Variants in BRIP1 observed in about 807,000 individuals in gnomAD.
The protein encoded by BRIP1 is Fanconi anemia group J protein.
In BRIP1, 88 loss-of-function variants were observed where a neutral mutation model predicts 119.7. The ratio of observed to expected loss-of-function variants is 0.74; its 90% CI spans 0.62 to 0.88. The LOEUF (loss-of-function observed/expected upper bound fraction) is 0.88, where lower values mean the gene tolerates loss of function less well. BRIP1 is among the 40% of genes least tolerant of loss of function. The pLI is 0.00. For synonymous variants in BRIP1, 443 were observed against 496.5 expected (o/e 0.89, Z 1.43); for missense variants, 1,259 against 1,455.4 (o/e 0.87, Z 2.20).
chr17:61,696,969 G>C (rs2061531914), intron 17 of BRIP1, among the ~76,000 whole-genome samples: 1 of 115,260 alleles, frequency 8.7e-6, no homozygotes, highest in African/African-American at 3.2e-5. Context: ...CTGGGCAACA[G>C]ATAGAGACTC....
chr17:61,780,767 AGAGTCAAC>A lies in BRIP1; in HGVS notation c.1794+65_1794+72del. ...ACAACAACAAACAACTATCTTTAAA[AGAGTCAAC>A]CACATTTATTAAAATGCTGGTACTG... On this transcript the variant is annotated intron_variant, in intron 12 of 19. Coordinates refer to ENST00000259008, the MANE Select transcript of BRIP1 (RefSeq NM_032043.3). This position sits in a 1 kb window ranked among gnomAD's most constrained non-coding sequence, Gnocchi z 5.4. The A allele has an allele frequency of 6.7e-7, 1 of 1,493,766 alleles. No homozygotes were observed. Among genetic ancestry groups the A allele is most frequent in the Non-Finnish European group, 9.3e-7 (1 of 1,071,528 alleles). 92.5% of individuals were successfully genotyped at this position (1,493,766 alleles called of 1,614,324 possible).
chr17:61,716,468 TCTG>T (rs1410740573), intron 16 of BRIP1, among the ~76,000 whole-genome samples: 1 of 152,104 alleles, frequency 6.6e-6, no homozygotes, highest in South Asian at 2.1e-4. Flanking sequence ...CAACCACTGA[TCTG>T]CTTTCTGTTT....
rs1157050264 is a variant in BRIP1 at position 61,798,785 on chromosome 17, T to A, written c.1340+315A>T. On this transcript the variant is annotated intron_variant, in intron 9 of 19. Coordinates refer to ENST00000259008, the MANE Select transcript of BRIP1 (RefSeq NM_032043.3). This position sits in a 1 kb window ranked among gnomAD's most constrained non-coding sequence, Gnocchi z 5.5. ...AAAGCCATGATCCAGAATTTTAAAA[T>A]ATATTAATTAAAAGCACGTTTAGTT... Among the ~76,000 whole-genome samples the A allele has an allele frequency of 6.6e-6, 1 of 152,040 alleles. No individual in the cohort carries two copies. Among genetic ancestry groups the A allele is most frequent in the East Asian group, 1.9e-4 (1 of 5,202 alleles).
chr17:61,784,246 T>C lies in BRIP1; in HGVS notation c.1628+24A>G, dbSNP rs762727626. 40 of 1,601,662 alleles carry C rather than the reference T, an allele frequency of 2.5e-5. 1 individual carries two copies. The highest frequency in any genetic ancestry group is 1.9e-5 in the Non-Finnish European group (22 of 1,170,360). On this transcript the variant is annotated intron_variant, in intron 11 of 19. Transcript: ENST00000259008. ...AATTAGGCTATTTTTAAAAGGAAAA[T>C]ACATACTAGTTATCTTCACTTACCT...
At position 61,726,934 on chromosome 17, in the gene BRIP1, C is replaced by T. The variant is rs2144525372; in HGVS notation, c.2380-10871G>A. On this transcript the variant is annotated intron_variant, in intron 16 of 19. Transcript: ENST00000259008. The surrounding 1 kb of genome is among the most constrained non-coding windows in gnomAD (Gnocchi z 6.2). ...AATCTAGAGTTTTTCTTGTTAAAGT[C>T]ACATATGAGAGCCCGATAACTGTGA... is the stretch of plus-strand genomic sequence containing the variant. Among the ~76,000 whole-genome samples the T allele has an allele frequency of 1.3e-5, 2 of 152,166 alleles. No homozygotes were observed. Among genetic ancestry groups the T allele is most frequent in the Middle Eastern group, 6.8e-3 (2 of 294 alleles).
chr17:61,781,632 A>G (rs1449643308), intron 11 of BRIP1, among the ~76,000 whole-genome samples: 1 of 152,156 alleles, frequency 6.6e-6, no homozygotes, highest in Non-Finnish European at 1.5e-5. Context: ...CTTAAAAATA[A>G]TAAAATGTGG....
In BRIP1 at chr17:61,743,091, C is replaced by T. The variant is rs369434185; in HGVS notation, c.2301G>A (p.Glu767=). 5.0e-6 allele frequency: 8 copies of T among 1,613,822 alleles called. No individual in the cohort carries two copies. Among genetic ancestry groups the T allele is most frequent in the African/African-American group, 2.7e-5 (2 of 74,908 alleles). ...LVAVCRGKVS[E]GLDFSDDNAR... ...CATTGTCATCTGAGAAATCCAGACCCTCACTCACTTTACCACGACAAACTG... is the reference window on the plus strand; with the variant it reads ...CATTGTCATCTGAGAAATCCAGACCTTCACTCACTTTACCACGACAAACTG... The change falls in exon 16 of 20, where the codon GAG becomes GAA. Residue 767 remains glutamate (E), a synonymous_variant. Transcript: ENST00000259008. This position sits in a 1 kb window ranked among gnomAD's most constrained non-coding sequence, Gnocchi z 4.3.
At chr17:61,714,541 T>A (rs2061828955) in intron 17 of BRIP1, among the ~76,000 whole-genome samples, 1 of 152,194 alleles carries the variant, frequency 6.6e-6, no homozygotes, top group African/African-American at 2.4e-5. Flanking sequence ...TAGACTATAC[T>A]ATCTAGATTT....
chr17:61,840,876 T>C (rs1000181839), intron 6 of BRIP1, among the ~76,000 whole-genome samples: 6 of 152,012 alleles, frequency 3.9e-5, no homozygotes, highest in Non-Finnish European at 8.8e-5. Context: ...AATAGACACA[T>C]AGACCAATGG....
Position 61,709,085 on chromosome 17 carries a change from C to T in BRIP1, c.2492+6866G>A, listed in dbSNP as rs530724933. Among the ~76,000 whole-genome samples, 12 of 152,172 alleles carry T rather than the reference C, an allele frequency of 7.9e-5. No individual in the cohort carries two copies. The highest frequency in any genetic ancestry group is 1.8e-4 in the Non-Finnish European group (12 of 68,020). Reference sequence around the variant, plus strand: ...GCTAATTGTTTCTTATACTAATTTGCAACCAAGCCACCTGTTTTTAAACCT... The same window carrying T: ...GCTAATTGTTTCTTATACTAATTTGTAACCAAGCCACCTGTTTTTAAACCT... On this transcript the variant is annotated intron_variant, in intron 17 of 19. Coordinates refer to ENST00000259008, the MANE Select transcript of BRIP1 (RefSeq NM_032043.3). This position sits in a 1 kb window ranked among gnomAD's most constrained non-coding sequence, Gnocchi z 5.0.
Position 61,736,017 on chromosome 17 carries a change from G to A in BRIP1, c.2379+6996C>T, listed in dbSNP as rs1476724453. ...GTGTTAAGCCACTATGTGATAATTT[G>A]TTACACAGCAATAAAAAACTAATAC... On this transcript the variant is annotated intron_variant, in intron 16 of 19. Coordinates refer to ENST00000259008, the MANE Select transcript of BRIP1 (RefSeq NM_032043.3). The surrounding 1 kb of genome is among the most constrained non-coding windows in gnomAD (Gnocchi z 4.4). Among the ~76,000 whole-genome samples, 2 of 151,922 alleles carry A rather than the reference G, an allele frequency of 1.3e-5. No homozygotes were observed. Among genetic ancestry groups the A allele is most frequent in the East Asian group, 3.9e-4 (2 of 5,116 alleles).
intron 10 of BRIP1, among the ~76,000 whole-genome samples, chr17:61,785,475 G>T (rs2145153998): frequency 6.6e-6 from 1 of 152,086 alleles, no homozygotes; most frequent in South Asian, 2.1e-4. Flanking sequence ...AAAATAAAAT[G>T]GGGAAATAGG....
chr17:61,697,455 A>G (rs558973541), intron 17 of BRIP1, among the ~76,000 whole-genome samples: 1 of 150,630 alleles, frequency 6.6e-6, no homozygotes, highest in South Asian at 2.1e-4. Flanking sequence ...ATTTGTCATC[A>G]CACAATTTTT....
rs2077175158 is a variant in BRIP1, at chr17:61,754,599, G to T, written c.2098-10008C>A. On this transcript the variant is annotated intron_variant, in intron 14 of 19. Coordinates refer to ENST00000259008, the MANE Select transcript of BRIP1 (RefSeq NM_032043.3). The surrounding 1 kb of genome is among the most constrained non-coding windows in gnomAD (Gnocchi z 4.1). ...ATCAGACTGAATGGCTTAAACAAAA[G>T]AAATTTATTTCTTACAGTTATTAGT... Among the ~76,000 whole-genome samples the T allele has an allele frequency of 6.6e-6, 1 of 152,186 alleles. No homozygotes were observed. The highest frequency in any genetic ancestry group is 1.5e-5 in the Non-Finnish European group (1 of 68,000).
Position 61,735,625 on chromosome 17 carries a change from C to CAA in BRIP1, c.2379+7386_2379+7387dup, listed in dbSNP as rs753949795. 4.8e-4 allele frequency among the ~76,000 whole-genome samples: 58 copies of CAA among 121,968 alleles called. No individual in the cohort carries two copies. The highest frequency in any genetic ancestry group is 1.5e-3 in the African/African-American group (50 of 33,160). 80.0% of individuals were successfully genotyped at this position (121,968 alleles called of 152,430 possible). A position where few individuals can be genotyped will look rare whatever the true frequency, so the allele number is the denominator to read the frequency against. On this transcript the variant is annotated intron_variant, in intron 16 of 19. Coordinates refer to ENST00000259008, the MANE Select transcript of BRIP1 (RefSeq NM_032043.3). This position sits in a 1 kb window ranked among gnomAD's most constrained non-coding sequence, Gnocchi z 4.4. ...GCAACATAGCAAGATCCTGCCTCTA[C>CAA]AAAAAAAAAAAAACCACGTTTAAAA...
In BRIP1 at chr17:61,834,503, A is replaced by G. The variant is rs2078542353; in HGVS notation, c.627+12598T>C. Among the ~76,000 whole-genome samples, 1 of 152,176 alleles carries G rather than the reference A, an allele frequency of 6.6e-6. No homozygotes were observed. The highest frequency in any genetic ancestry group is 6.5e-5 in the Admixed American group (1 of 15,272). ...TATATGTAATATATACTACGTAACA[A>G]AAATGGCAACAAATTCTACTTATCT... On this transcript the variant is annotated intron_variant, in intron 6 of 19. Coordinates refer to ENST00000259008, the MANE Select transcript of BRIP1 (RefSeq NM_032043.3). This position sits in a 1 kb window ranked among gnomAD's most constrained non-coding sequence, Gnocchi z 4.4.
At chr17:61,781,126 A>G (rs888403181) in intron 11 of BRIP1, 121 bp from the exon 12 acceptor site, 3 of 842,444 alleles carry the variant, frequency 3.6e-6, no homozygotes, top group Non-Finnish European at 3.8e-6. Flanking sequence ...CTTCCCATTC[A>G]AAAATAACAT....
rs889992229 is a variant in BRIP1, at chr17:61,695,618, G to T, written c.2493-2106C>A. Among the ~76,000 whole-genome samples the T allele has an allele frequency of 6.6e-6, 1 of 152,028 alleles. No individual in the cohort carries two copies. The highest frequency in any genetic ancestry group is 6.6e-5 in the Admixed American group (1 of 15,250). ...ATGATAAGTCTTCTAATCCATGAAC[G>T]TGGGATTCTTTCCATTTATTTAGAA... On this transcript the variant is annotated intron_variant, in intron 17 of 19. Coordinates refer to ENST00000259008, the MANE Select transcript of BRIP1 (RefSeq NM_032043.3). The surrounding 1 kb of genome is among the most constrained non-coding windows in gnomAD (Gnocchi z 4.3).
Position 61,684,258 on chromosome 17 carries a change from G to T in BRIP1, c.2906-118C>A. Reference sequence around the variant, plus strand: ...AACTGTATAGGATACATAACTTAGAGCCCCCAACGAATACTAGTGGATTTT... The same window carrying T: ...AACTGTATAGGATACATAACTTAGATCCCCCAACGAATACTAGTGGATTTT... On this transcript the variant is annotated intron_variant, in intron 19 of 19. Transcript: ENST00000259008. The surrounding 1 kb of genome is among the most constrained non-coding windows in gnomAD (Gnocchi z 4.5). 1 of 1,161,914 alleles carries T rather than the reference G, an allele frequency of 8.6e-7. No individual in the cohort carries two copies. The highest frequency in any genetic ancestry group is 1.2e-6 in the Non-Finnish European group (1 of 836,218). 72.0% of individuals were successfully genotyped at this position (1,161,914 alleles called of 1,614,324 possible). A position where few individuals can be genotyped will look rare whatever the true frequency, so the allele number is the denominator to read the frequency against.
Sources: gnomAD v4.1 joint callset for allele counts (sites outside exome capture counted in the v4.1 genomes callset) on GRCh38, gnomAD v4.1.1 for gene constraint, Gnocchi (gnomAD v3.1) non-coding constraint, MANE v1.5 for transcripts, NCBI Gene and HGNC (gene_info 2026-07-23, HGNC 2026-07-21) for gene names.